The following ZKSCAN5 variants were observed in gnomAD, a reference collection of about 807,000 sequenced individuals.
The protein encoded by ZKSCAN5 is zinc finger with KRAB and SCAN domains 5.
In ZKSCAN5, 28 loss-of-function variants were observed where a neutral mutation model predicts 60.0. The ratio of observed to expected loss-of-function variants is 0.47; its 90% confidence interval spans 0.35 to 0.64. The LOEUF is 0.64. Among genes scored for constraint, ZKSCAN5 ranks in the 30% least tolerant of loss-of-function variants. The pLI is 0.01. For synonymous variants in ZKSCAN5, 361 were observed against 371.2 expected, an observed-to-expected ratio of 0.97 and a Z score of 0.31; for missense variants, 881 against 1,034.6, an observed-to-expected ratio of 0.85 and a Z score of 2.04.
Position 99,506,380 on chromosome 7 carries a change from A to T in ZKSCAN5, c.336A>T (p.Glu112Asp). The stretch of plus-strand genomic sequence containing the variant: ...AAGAGTTCCAGCCCTGGGTGAGGGA[A>T]CATCACCCTGAAAGTGGAGAAGAGG... Reference protein sequence around the residue: ...LPEEFQPWVREHHPESGEEAV... With the variant: ...LPEEFQPWVRDHHPESGEEAV... The change falls in exon 2 of 7, where the codon GAA becomes GAT. Residue 112 changes from glutamate (E) to aspartate (D), a missense_variant. Physicochemically the swap from Glu to Asp is conservative, Grantham distance 45. Transcript: ENST00000326775. The T allele has an allele frequency of 6.2e-7, 1 of 1,614,194 alleles. No individual in the cohort carries two copies.
intron 3 of ZKSCAN5, among the ~76,000 whole-genome samples, chr7:99,516,208 T>C (rs1399516159): frequency 1.3e-5 from 2 of 152,174 alleles, no homozygotes; most frequent in Non-Finnish European, 2.9e-5. Context: ...CTCGAGTCAC[T>C]TGGGTTCTGT....
chr7:99,525,401 G>A (rs1801729824), intron 5 of ZKSCAN5, among the ~76,000 whole-genome samples: 1 of 152,026 alleles, frequency 6.6e-6, no homozygotes, highest in South Asian at 2.1e-4. Context: ...GAGCCCAAGA[G>A]GTTGAGGATG....
At chr7:99,530,380 C>T (rs991138182) in intron 6 of ZKSCAN5, among the ~76,000 whole-genome samples, 2 of 151,992 alleles carry the variant, frequency 1.3e-5, no homozygotes, top group Non-Finnish European at 2.9e-5. Context: ...TAAGGCAGTA[C>T]CTTATTGTGG....
intron 6 of ZKSCAN5, among the ~76,000 whole-genome samples, chr7:99,529,614 A>G (rs1562916666): frequency 2.0e-5 from 3 of 152,178 alleles, no homozygotes; most frequent in Non-Finnish European, 4.4e-5. Context: ...TGGCAGATCT[A>G]CTTCTGGTTC....
At chr7:99,511,100 C>T (rs538939011) in intron 2 of ZKSCAN5, among the ~76,000 whole-genome samples, 4 of 150,972 alleles carry the variant, frequency 2.6e-5, no homozygotes, top group African/African-American at 4.9e-5. Context: ...CAGGAGGATT[C>T]GAAAAAAAAG....
intron 6 of ZKSCAN5, among the ~76,000 whole-genome samples, chr7:99,529,464 A>G (rs184813917): frequency 6.6e-6 from 1 of 152,222 alleles, no homozygotes; most frequent in East Asian, 1.9e-4. Context: ...TTATCAACTC[A>G]TTGCTCAACG....
intron 6 of ZKSCAN5, among the ~76,000 whole-genome samples, chr7:99,528,105 G>A (rs981418901): frequency 1.3e-5 from 2 of 150,438 alleles, no homozygotes; most frequent in Admixed American, 6.6e-5. Context: ...TCTAAGACCA[G>A]CCAAAATGTT....
At chr7:99,529,985 C>CG (rs940447392) in intron 6 of ZKSCAN5, among the ~76,000 whole-genome samples, 3 of 146,776 alleles carry the variant, frequency 2.0e-5, no homozygotes, top group Non-Finnish European at 4.4e-5. Flanking sequence ...CCACCCACCT[C>CG]GGCTTCCCAA....
rs1203694946 is a variant in ZKSCAN5 at position 99,507,533 on chromosome 7, A to ATATATATATGTATATATATG, written c.414+1087_414+1106dup. On this transcript the variant is annotated intron_variant, in intron 2 of 6. Transcript: ENST00000326775. ...TATGTGTGTATATATGTATATGTGT[A>ATATATATATGTATATATATG]TATATATATGTATATATATGTATAT... is the stretch of plus-strand genomic sequence containing the variant. Among the ~76,000 whole-genome samples the ATATATATATGTATATATATG allele has an allele frequency of 3.5e-5, 4 of 112,916 alleles. No homozygotes were observed. The East Asian group carries it at 1.2e-3, about 33-fold the overall frequency. 74.1% of individuals were successfully genotyped at this position (112,916 alleles called of 152,430 possible).
At chr7:99,505,908 G>A in intron 1 of ZKSCAN5, 97 bp from the exon 2 acceptor site, 1 of 1,063,986 alleles carries the variant, frequency 9.4e-7, no homozygotes. Context: ...TTTGCCATCT[G>A]TCTTTGCTAA....
chr7:99,525,992 T>C lies in ZKSCAN5; in HGVS notation c.952T>C (p.Ser318Pro), dbSNP rs1013312416. 2.5e-6 allele frequency: 4 copies of C among 1,613,814 alleles called. No individual in the cohort carries two copies. In the African/African-American group the frequency reaches 5.3e-5, roughly 22 times the overall value. The change falls in exon 6 of 7, where the codon TCA becomes CCA. Residue 318 changes from serine to proline, a missense_variant. Coordinates refer to ENST00000326775, the MANE Select transcript of ZKSCAN5 (RefSeq NM_145102.4). ...GCAGGTCAACCCCACTGTGGGGAAA[T>C]CAAGGCAGAATCCTTCCCAGAAAAG... The part of the protein sequence containing the change: ...RWQVNPTVGK[S>P]RQNPSQKRDL...
At position 99,523,520 on chromosome 7, in the gene ZKSCAN5, C is replaced by T. The variant is rs892751111; in HGVS notation, c.773-2293C>T. Among the ~76,000 whole-genome samples, 5 of 152,230 alleles carry T rather than the reference C, an allele frequency of 3.3e-5. No individual in the cohort carries two copies. The South Asian group carries it at 1.0e-3, about 32-fold the overall frequency. ...CCTGTAGAGGCTGAGGTGGGAGGAT[C>T]GCTTCAACCAGGGAGTTAGAAGTAA... is the stretch of plus-strand genomic sequence containing the variant. On this transcript the variant is annotated intron_variant, in intron 5 of 6. Coordinates refer to ENST00000326775, the MANE Select transcript of ZKSCAN5 (RefSeq NM_145102.4).
chr7:99,508,297 CA>C (rs199941738), intron 2 of ZKSCAN5, among the ~76,000 whole-genome samples: 6 of 146,438 alleles, frequency 4.1e-5, no homozygotes, highest in South Asian at 2.2e-4. Flanking sequence ...GACTCCATCT[CA>C]AAAAAAAAAG....
At chr7:99,507,442 C>T (rs1433558807) in intron 2 of ZKSCAN5, among the ~76,000 whole-genome samples, 4 of 145,852 alleles carry the variant, frequency 2.7e-5, no homozygotes, top group Admixed American at 6.9e-5. Flanking sequence ...TATGTGTTTG[C>T]GTATATATGT....
At chr7:99,523,163 CAAAAAAA>C (rs35854468) in intron 5 of ZKSCAN5, among the ~76,000 whole-genome samples, 5 of 48,940 alleles carry the variant, frequency 1.0e-4, no homozygotes, top group Admixed American at 6.3e-4. Flanking sequence ...GACCCTATCT[CAAAAAAA>C]AAAAAAAAAA....
intron 2 of ZKSCAN5, among the ~76,000 whole-genome samples, chr7:99,510,883 ATAGATGTAT>A: frequency 1.3e-5 from 2 of 152,044 alleles, no homozygotes; most frequent in African/African-American, 4.8e-5. Context: ...CTGGGACTAT[ATAGATGTAT>A]GCTACCAGGC....
chr7:99,526,126 T>G lies in ZKSCAN5; in HGVS notation c.1086T>G (p.Ile362Met). The G allele has an allele frequency of 6.2e-7, 1 of 1,614,176 alleles. No homozygotes were observed. The highest frequency in any genetic ancestry group is 1.3e-5 in the African/African-American group (1 of 75,038). ...TCTTCCTCCAAGCCTCAAACTTTAT[T>G]CAGCATCGGCGCATCCACACTGGAG... ...GKFFLQASNF[I>M]QHRRIHTGEK... is the part of the protein sequence containing the mutation. Residue 362 changes from isoleucine (I) to methionine (M), a missense_variant, in exon 6 of 7, where the codon ATT becomes ATG. Ile to Met is a conservative substitution (Grantham distance 10). This residue lies in a region of ZKSCAN5 where 490 missense variants were observed against 554.5 expected (regional missense o/e 0.88). Transcript: ENST00000326775.
intron 2 of ZKSCAN5, among the ~76,000 whole-genome samples, chr7:99,508,022 G>A (rs1462068765): frequency 3.9e-5 from 6 of 152,020 alleles, no homozygotes; most frequent in Admixed American, 6.6e-5. Flanking sequence ...TGTGTAGGCC[G>A]GGCACGGTAG....
chr7:99,528,943 G>A (rs963403845), intron 6 of ZKSCAN5, among the ~76,000 whole-genome samples: 2 of 152,132 alleles, frequency 1.3e-5, no homozygotes, highest in Non-Finnish European at 2.9e-5. Flanking sequence ...GAGGAAAACT[G>A]AGGCTAGAAT....
Sources: allele counts gnomAD v4.1 joint callset (sites outside exome capture counted in the v4.1 genomes callset), GRCh38; gene constraint gnomAD v4.1.1; regional missense constraint gnomAD v4.1.1; transcripts MANE v1.5; gene names NCBI Gene and HGNC (gene_info 2026-07-23, HGNC 2026-07-21).